The following RBFOX1 variants were observed in gnomAD, a reference collection of about 807,000 sequenced individuals.
RBFOX1 encodes the protein RNA binding protein fox-1 homolog 1.
A neutral mutation model predicts 57.7 loss-of-function variants in RBFOX1; 8 were observed. The observed-to-expected ratio is 0.14, with a 90% CI of 0.08 to 0.25. The LOEUF (loss-of-function observed/expected upper bound fraction) is 0.25. Among genes scored for constraint, RBFOX1 ranks in the 10% least tolerant of loss-of-function variants. The pLI, the probability that RBFOX1 is intolerant of heterozygous loss-of-function variation, is 1.00. For missense variants in RBFOX1, 611 were observed against 548.5 expected (o/e 1.11, Z -1.14); for synonymous variants, 326 against 222.4 (o/e 1.47, Z -4.15).
chr16:6,895,273 C>T (rs2066482822), intron 3 of RBFOX1, among the ~76,000 whole-genome samples: 1 of 151,280 alleles, frequency 6.6e-6, no homozygotes, highest in African/African-American at 2.4e-5. Context: ...TTCCTGATTC[C>T]CAGAATCCCC....
chr16:6,708,571 C>G (rs563790584), intron 3 of RBFOX1, among the ~76,000 whole-genome samples: 2 of 152,156 alleles, frequency 1.3e-5, no homozygotes, highest in Non-Finnish European at 2.9e-5. Flanking sequence ...TTAAGATGCT[C>G]TTAATTGCTT....
In RBFOX1 at chr16:6,450,312, T is replaced by A. The variant is rs2094563845; in HGVS notation, c.-64+133255T>A. Reference sequence around the variant, plus strand: ...GCTCCCGATAAAGAGAGTGGGTTAGTCACTTACCTGCACTGAATGTTCAAA... The same window carrying A: ...GCTCCCGATAAAGAGAGTGGGTTAGACACTTACCTGCACTGAATGTTCAAA... On this transcript the variant is annotated intron_variant, in intron 2 of 15. Coordinates refer to ENST00000550418, the MANE Select transcript of RBFOX1 (RefSeq NM_018723.4). Among the ~76,000 whole-genome samples the A allele has an allele frequency of 2.6e-5, 4 of 152,162 alleles. No homozygotes were observed. In the South Asian group the frequency reaches 8.3e-4, roughly 32 times the overall value.
intron 1 of RBFOX1, among the ~76,000 whole-genome samples, chr16:6,199,235 A>G (rs2097199866): frequency 6.6e-6 from 1 of 152,226 alleles, no homozygotes; most frequent in African/African-American, 2.4e-5. Flanking sequence ...TTAATAATTT[A>G]AAGTCAGAGA....
intron 4 of RBFOX1, among the ~76,000 whole-genome samples, chr16:7,164,172 G>A (rs8063062): frequency 0.53 from 80,277 of 151,808 alleles, 21,400 homozygotes; most frequent in Admixed American, 0.6. Context: ...ACGTCTTTGC[G>A]TCCTCATAGC....
rs1328095299 is a variant in RBFOX1, at chr16:6,581,251, T to C, written c.-63-73352T>C. ...TTTCCCTTTGGTGATTTGCAAAGTC[T>C]GGCCACTTTAGAATTTATCTCCTGC... On this transcript the variant is annotated intron_variant, in intron 2 of 15. Transcript: ENST00000550418. 3.3e-5 allele frequency among the ~76,000 whole-genome samples: 5 copies of C among 152,186 alleles called. No individual in the cohort carries two copies. In the East Asian group the frequency reaches 9.7e-4, roughly 29 times the overall value.
At chr16:7,189,857 G>T (rs771405375) in intron 4 of RBFOX1, among the ~76,000 whole-genome samples, 2 of 152,040 alleles carry the variant, frequency 1.3e-5, no homozygotes, top group Admixed American at 6.6e-5. Context: ...CATCTTGATC[G>T]CCTTTATGTC....
chr16:6,083,020 T>TTTTA (rs1555500871), intron 1 of RBFOX1, among the ~76,000 whole-genome samples: 7 of 151,716 alleles, frequency 4.6e-5, no homozygotes, highest in African/African-American at 1.7e-4. Flanking sequence ...GTTTGTTTTT[T>TTTTA]AGATGGAGTC....
intron 4 of RBFOX1, among the ~76,000 whole-genome samples, chr16:7,455,958 A>C (rs1401754318): frequency 6.6e-6 from 1 of 152,088 alleles, no homozygotes; most frequent in Non-Finnish European, 1.5e-5. Context: ...CCCTGTTTGG[A>C]AATGTCAAGT....
At chr16:5,713,905 T>C (rs1306066303) in intron 3 of RBFOX1, among the ~76,000 whole-genome samples, 1 of 152,322 alleles carries the variant, frequency 6.6e-6, no homozygotes, top group East Asian at 1.9e-4. Flanking sequence ...TCATCTACGT[T>C]GCAATCTTCC....
chr16:7,314,364 A>T (rs780970404), intron 4 of RBFOX1, among the ~76,000 whole-genome samples: 16 of 152,168 alleles, frequency 1.1e-4, no homozygotes, highest in Non-Finnish European at 2.1e-4. Flanking sequence ...CTGCCTTGCC[A>T]TGCTGTTTTG....
chr16:5,337,099 A>G (rs1438781130), intron 1 of RBFOX1, among the ~76,000 whole-genome samples: 1 of 152,154 alleles, frequency 6.6e-6, no homozygotes, highest in Non-Finnish European at 1.5e-5. Flanking sequence ...GGAGCTGAAG[A>G]GATGGCCGGC....
At chr16:7,025,047 C>G (rs2040478024) in intron 3 of RBFOX1, among the ~76,000 whole-genome samples, 1 of 152,014 alleles carries the variant, frequency 6.6e-6, no homozygotes, top group Non-Finnish European at 1.5e-5. Flanking sequence ...AGATCTCCCG[C>G]AAGACAAGAG....
Position 6,898,327 on chromosome 16 carries a change from G to C in RBFOX1, c.-15-153730G>C, listed in dbSNP as rs2067486032. Among the ~76,000 whole-genome samples the C allele has an allele frequency of 2.6e-5, 4 of 152,076 alleles. No individual in the cohort carries two copies. In the South Asian group the frequency reaches 8.3e-4, roughly 32 times the overall value. Reference sequence around the variant, plus strand: ...ACCTCTCAGAGCATAGCTTCCCCTTGGATGGAGGGGGGTGAGGAGAGCAGT... The same window carrying C: ...ACCTCTCAGAGCATAGCTTCCCCTTCGATGGAGGGGGGTGAGGAGAGCAGT... On this transcript the variant is annotated intron_variant, in intron 3 of 15. Transcript: ENST00000550418.
intron 4 of RBFOX1, among the ~76,000 whole-genome samples, chr16:7,497,902 G>C (rs1220679057): frequency 6.6e-6 from 1 of 152,232 alleles, no homozygotes; most frequent in African/African-American, 2.4e-5. Flanking sequence ...TTTGTAGAGA[G>C]TTTATTTCAT....
chr16:7,003,508 C>G (rs1022338142), intron 3 of RBFOX1, among the ~76,000 whole-genome samples: 2 of 151,504 alleles, frequency 1.3e-5, no homozygotes, highest in East Asian at 1.9e-4. Flanking sequence ...TTGTGAAGCC[C>G]TGTTAAATCC....
intron 5 of RBFOX1, among the ~76,000 whole-genome samples, chr16:7,522,838 C>G (rs921451236): frequency 2.0e-5 from 3 of 152,286 alleles, no homozygotes; most frequent in East Asian, 1.9e-4. Flanking sequence ...TTTTTAACAG[C>G]TTTGTTGACA....
chr16:6,948,560 T>C (rs927257782), intron 3 of RBFOX1, among the ~76,000 whole-genome samples: 1 of 151,772 alleles, frequency 6.6e-6, no homozygotes, highest in Admixed American at 6.6e-5. Flanking sequence ...TTTTTGATTT[T>C]TAGTAGAGAC....
chr16:5,879,854 G>A (rs1050900589), intron 4 of RBFOX1, among the ~76,000 whole-genome samples: 12 of 152,198 alleles, frequency 7.9e-5, no homozygotes, highest in Non-Finnish European at 1.5e-4. Flanking sequence ...CACTCTGGCA[G>A]GGGAAGAAAG....
chr16:6,669,418 A>G (rs1445610503), intron 3 of RBFOX1, among the ~76,000 whole-genome samples: 1 of 152,208 alleles, frequency 6.6e-6, no homozygotes, highest in Non-Finnish European at 1.5e-5. Flanking sequence ...TACTGTGGCC[A>G]TCTTAAACTA....
Sources: allele counts gnomAD v4.1 joint callset (sites outside exome capture counted in the v4.1 genomes callset), GRCh38; gene constraint gnomAD v4.1.1; transcripts MANE v1.5; gene names NCBI Gene and HGNC (gene_info 2026-07-23, HGNC 2026-07-21).